Variants in ARHGAP10 observed in about 807,000 individuals in gnomAD.
ARHGAP10 encodes Rho GTPase activating protein 10, also known as rho GTPase-activating protein 10.
ARHGAP10 carries 87 observed loss-of-function variants against 108.6 expected under a neutral mutation model. The ratio of observed to expected loss-of-function variants is 0.80; its 90% CI spans 0.67 to 0.96. The LOEUF is 0.96. Ranked by LOEUF, ARHGAP10 falls within the 40% of genes least tolerant of loss-of-function variation. ARHGAP10 has a pLI of 0.00. For missense variants in ARHGAP10, 939 were observed against 954.5 expected, an observed-to-expected ratio of 0.98 and a Z score of 0.21; for synonymous variants, 347 against 341.1, an observed-to-expected ratio of 1.02 and a Z score of -0.19.
intron 1 of ARHGAP10, among the ~76,000 whole-genome samples, chr4:147,763,181 CTG>C (rs149538170): frequency 0.01 from 1,570 of 152,002 alleles, 35 homozygotes; most frequent in African/African-American, 0.036. Flanking sequence ...AAGAAAATGA[CTG>C]TTTTTTTGTT....
In ARHGAP10 at chr4:148,072,191, C is replaced by A; in HGVS notation, c.*110C>A. On this transcript the variant is annotated 3_prime_UTR_variant, in exon 23 of 23. Transcript: ENST00000336498. ...GGCTGCACCCACAGGTACCTCCACA[C>A]TTGGGAGTTACCATCATCACAGTCA... The A allele has an allele frequency of 5.2e-6, 4 of 764,966 alleles. No homozygotes were observed. The highest frequency in any genetic ancestry group is 7.9e-6 in the Non-Finnish European group (4 of 506,312). 47.4% of individuals were successfully genotyped at this position (764,966 alleles called of 1,614,324 possible). A position where few individuals can be genotyped will look rare whatever the true frequency, so the allele number is the denominator to read the frequency against.
chr4:147,802,165 G>C (rs1183961456), intron 1 of ARHGAP10, among the ~76,000 whole-genome samples: 1 of 152,078 alleles, frequency 6.6e-6, no homozygotes, highest in African/African-American at 2.4e-5. Flanking sequence ...TTCTACTTTT[G>C]TTTTTCCTTC....
chr4:148,006,972 C>A (rs1740976070), intron 18 of ARHGAP10, among the ~76,000 whole-genome samples: 1 of 152,160 alleles, frequency 6.6e-6, no homozygotes, highest in African/African-American at 2.4e-5. Flanking sequence ...TACTATACTA[C>A]CTGGATAGCT....
chr4:147,786,146 C>G (rs1730881290), intron 1 of ARHGAP10, among the ~76,000 whole-genome samples: 1 of 152,094 alleles, frequency 6.6e-6, no homozygotes, highest in South Asian at 2.1e-4. Flanking sequence ...TGTGAAATCT[C>G]TAAAGAGGTC....
chr4:148,050,110 G>T (rs920577544), intron 20 of ARHGAP10, among the ~76,000 whole-genome samples: 1 of 151,972 alleles, frequency 6.6e-6, no homozygotes, highest in African/African-American at 2.4e-5. Context: ...CAAGTGATCC[G>T]CCTGCCTTGG....
At chr4:147,886,241 TCTG>T (rs1407260090) in intron 10 of ARHGAP10, among the ~76,000 whole-genome samples, 15 of 152,196 alleles carry the variant, frequency 9.9e-5, no homozygotes, top group African/African-American at 3.6e-4. Context: ...CATTGCCAAT[TCTG>T]CTCTTTTTAC....
At chr4:147,914,263 T>G (rs1037425860) in intron 13 of ARHGAP10, among the ~76,000 whole-genome samples, 16 of 152,226 alleles carry the variant, frequency 1.1e-4, no homozygotes, top group Non-Finnish European at 1.9e-4. Context: ...TTGTGATACT[T>G]TATTACATAC....
chr4:148,009,732 A>G (rs1458817744), intron 18 of ARHGAP10, among the ~76,000 whole-genome samples: 3 of 152,162 alleles, frequency 2.0e-5, no homozygotes, highest in Non-Finnish European at 4.4e-5. Context: ...TGGGATCTCC[A>G]TCTAGTCAGA....
chr4:147,764,136 C>A (rs897980249), intron 1 of ARHGAP10, among the ~76,000 whole-genome samples: 8 of 152,042 alleles, frequency 5.3e-5, no homozygotes, highest in Non-Finnish European at 1.0e-4. Flanking sequence ...GAAGGTAGGA[C>A]GTGAGCAAGT....
At chr4:148,068,240 C>A (rs946671387) in intron 22 of ARHGAP10, among the ~76,000 whole-genome samples, 1 of 152,174 alleles carries the variant, frequency 6.6e-6, no homozygotes, top group African/African-American at 2.4e-5. Flanking sequence ...CCCCACGTGG[C>A]AGCGGCAGCA....
chr4:148,039,576 A>G (rs982014709), intron 19 of ARHGAP10, among the ~76,000 whole-genome samples: 6 of 151,724 alleles, frequency 4.0e-5, no homozygotes, highest in African/African-American at 1.5e-4. Context: ...CTGGGATTAC[A>G]GGTGTGAGTC....
intron 1 of ARHGAP10, among the ~76,000 whole-genome samples, chr4:147,820,836 C>T (rs552120403): frequency 6.6e-6 from 1 of 151,966 alleles, no homozygotes; most frequent in Admixed American, 6.6e-5. Flanking sequence ...AGTGATCTGC[C>T]CACCTTGGCC....
At chr4:148,011,189 T>A (rs767821910) in intron 18 of ARHGAP10, among the ~76,000 whole-genome samples, 1 of 152,236 alleles carries the variant, frequency 6.6e-6, no homozygotes, top group Non-Finnish European at 1.5e-5. Context: ...TGGTTGGGTG[T>A]TACTCTGGTT....
intron 10 of ARHGAP10, among the ~76,000 whole-genome samples, chr4:147,885,399 T>C (rs1218046655): frequency 1.3e-5 from 2 of 152,176 alleles, no homozygotes; most frequent in Non-Finnish European, 2.9e-5. Context: ...CTATCAGATC[T>C]TGTGAGACTT....
intron 10 of ARHGAP10, among the ~76,000 whole-genome samples, chr4:147,892,109 C>T (rs150709355): frequency 3.6e-4 from 55 of 152,242 alleles, no homozygotes; most frequent in African/African-American, 1.2e-3. Flanking sequence ...TTGCCTGGTT[C>T]CCATATCACT....
At chr4:148,031,002 C>T (rs923650407) in intron 19 of ARHGAP10, among the ~76,000 whole-genome samples, 4 of 152,012 alleles carry the variant, frequency 2.6e-5, no homozygotes, top group South Asian at 2.1e-4. Context: ...GAGGCTGCAG[C>T]GAGCCGTGAT....
chr4:147,777,774 G>A (rs1275594752), intron 1 of ARHGAP10, among the ~76,000 whole-genome samples: 1 of 152,166 alleles, frequency 6.6e-6, no homozygotes, highest in Admixed American at 6.5e-5. Flanking sequence ...TGTTGGGGGA[G>A]TGGACTCTGC....
At chr4:147,779,662 G>T (rs1163986678) in intron 1 of ARHGAP10, among the ~76,000 whole-genome samples, 1 of 152,104 alleles carries the variant, frequency 6.6e-6, no homozygotes, top group Admixed American at 6.5e-5. Flanking sequence ...TGACAGAAAG[G>T]GGAAGTCAGA....
chr4:148,024,253 T>C (rs1372183001), intron 19 of ARHGAP10, among the ~76,000 whole-genome samples: 1 of 152,236 alleles, frequency 6.6e-6, no homozygotes, highest in Non-Finnish European at 1.5e-5. Flanking sequence ...TTGAGAACAT[T>C]TGCTGAATTT....
Sources: gnomAD v4.1 joint callset for allele counts (sites outside exome capture counted in the v4.1 genomes callset) on GRCh38, gnomAD v4.1.1 for gene constraint, MANE v1.5 for transcripts, NCBI Gene and HGNC (gene_info 2026-07-23, HGNC 2026-07-21) for gene names.